The following BTC variants were observed in gnomAD, a reference collection of about 807,000 sequenced individuals.
BTC encodes probetacellulin.
In BTC, 13 loss-of-function variants were observed where a neutral mutation model predicts 18.1. The observed-to-expected ratio is 0.72, with a 90% CI of 0.47 to 1.14. The LOEUF is 1.14. BTC is among the 50% of genes most tolerant of loss of function. The pLI, the probability that BTC is intolerant of heterozygous loss-of-function variation, is 0.00. For synonymous variants in BTC, 83 were observed against 79.4 expected, an observed-to-expected ratio of 1.05 and a Z score of -0.24; for missense variants, 247 against 224.2, an observed-to-expected ratio of 1.10 and a Z score of -0.65.
At chr4:74,766,277 TTC>T in intron 2 of BTC, among the ~76,000 whole-genome samples, 1 of 152,166 alleles carries the variant, frequency 6.6e-6, no homozygotes, top group Middle Eastern at 3.4e-3. Flanking sequence ...TATAAAAAAA[TTC>T]TTTCTTCAAT....
chr4:74,788,283 A>C (rs1725533591), intron 1 of BTC, among the ~76,000 whole-genome samples: 1 of 152,224 alleles, frequency 6.6e-6, no homozygotes, highest in Non-Finnish European at 1.5e-5. Flanking sequence ...CTACACAAAA[A>C]AAATGGTAGC....
At chr4:74,752,528 C>T (rs930374903) in intron 3 of BTC, among the ~76,000 whole-genome samples, 2 of 151,968 alleles carry the variant, frequency 1.3e-5, no homozygotes, top group East Asian at 1.9e-4. Flanking sequence ...AAACCACGCG[C>T]GCCACCATGC....
At chr4:74,748,734 G>T (rs1361133269) in intron 4 of BTC, among the ~76,000 whole-genome samples, 1 of 152,154 alleles carries the variant, frequency 6.6e-6, no homozygotes, top group Non-Finnish European at 1.5e-5. Context: ...ATTATGTAGT[G>T]TACACGTAGT....
At position 74,794,445 on chromosome 4, in the gene BTC, C is replaced by A; in HGVS notation, c.-120G>T. 1.2e-5 allele frequency: 13 copies of A among 1,129,272 alleles called. No homozygotes were observed. The highest frequency in any genetic ancestry group is 1.6e-5 in the Non-Finnish European group (13 of 826,174). 70.0% of individuals were successfully genotyped at this position (1,129,272 alleles called of 1,614,324 possible). A position where few individuals can be genotyped will look rare whatever the true frequency, so the allele number is the denominator to read the frequency against. ...AACTAATCCCGGAGGCAGAAGGAAACGAAACTACTTCCCAGGCTGGCACCC... is the reference window on the plus strand; with the variant it reads ...AACTAATCCCGGAGGCAGAAGGAAAAGAAACTACTTCCCAGGCTGGCACCC... On this transcript the variant is annotated 5_prime_UTR_variant, in exon 1 of 6. Coordinates refer to ENST00000395743, the MANE Select transcript of BTC (RefSeq NM_001729.4).
chr4:74,778,896 A>T (rs1725246619), intron 1 of BTC, among the ~76,000 whole-genome samples: 1 of 152,192 alleles, frequency 6.6e-6, no homozygotes, highest in South Asian at 2.1e-4. Context: ...TTTGGGCATC[A>T]GGACATCTCC....
chr4:74,748,246 A>T, intron 4 of BTC, 97 bp from the exon 5 acceptor site: 2 of 737,496 alleles, frequency 2.7e-6, no homozygotes, highest in Non-Finnish European at 2.2e-6. Flanking sequence ...TTCTTTTTTT[A>T]AAAAAATATT....
intron 1 of BTC, among the ~76,000 whole-genome samples, chr4:74,783,587 C>CTTT (rs71220728): frequency 0.019 from 1,584 of 83,294 alleles, 34 homozygotes; most frequent in African/African-American, 0.058. Flanking sequence ...CTATTCGGCT[C>CTTT]TTTTTTTTTT....
chr4:74,781,163 C>T (rs1301502568), intron 1 of BTC, among the ~76,000 whole-genome samples: 1 of 152,006 alleles, frequency 6.6e-6, no homozygotes, highest in African/African-American at 2.4e-5. Context: ...TCACCACATC[C>T]CAAGGCATCT....
intron 2 of BTC, among the ~76,000 whole-genome samples, chr4:74,769,011 C>G (rs1287440749): frequency 2.0e-5 from 3 of 152,254 alleles, no homozygotes; most frequent in East Asian, 3.9e-4. Context: ...TGACCACCCA[C>G]TACTGTGAGG....
intron 5 of BTC, among the ~76,000 whole-genome samples, chr4:74,747,140 G>A (rs2109873843): frequency 6.6e-6 from 1 of 152,306 alleles, no homozygotes; most frequent in South Asian, 2.1e-4. Context: ...GCCAGTTTGA[G>A]TTGGATTTTA....
intron 1 of BTC, among the ~76,000 whole-genome samples, chr4:74,777,790 T>C (rs1725215848): frequency 1.3e-5 from 2 of 149,724 alleles, no homozygotes; most frequent in East Asian, 1.9e-4. Context: ...AATACAAATA[T>C]AGCTGACAAA....
intron 3 of BTC, among the ~76,000 whole-genome samples, chr4:74,753,959 G>T (rs113147104): frequency 1.3e-5 from 2 of 152,014 alleles, no homozygotes; most frequent in Non-Finnish European, 2.9e-5. Flanking sequence ...TAGTGTTTTC[G>T]CATTTATTAT....
chr4:74,747,927 GT>G, intron 5 of BTC, 112 bp downstream of exon 5: 1 of 521,934 alleles, frequency 1.9e-6, no homozygotes, highest in Admixed American at 3.9e-5. Context: ...ATTTTTAGAT[GT>G]TTTTAAATAT....
intron 1 of BTC, among the ~76,000 whole-genome samples, chr4:74,792,762 A>G (rs995201030): frequency 6.6e-6 from 1 of 151,926 alleles, no homozygotes; most frequent in Non-Finnish European, 1.5e-5. Context: ...TGCAAACTCT[A>G]CCCAAGCCTC....
At chr4:74,760,567 A>T (rs1724725516) in intron 2 of BTC, among the ~76,000 whole-genome samples, 1 of 152,178 alleles carries the variant, frequency 6.6e-6, no homozygotes, top group Non-Finnish European at 1.5e-5. Flanking sequence ...AACTTTGAAA[A>T]TTTATTTAAA....
chr4:74,748,506 A>C (rs1341251447), intron 4 of BTC, among the ~76,000 whole-genome samples: 1 of 152,110 alleles, frequency 6.6e-6, no homozygotes, highest in African/African-American at 2.4e-5. Context: ...ACTGCACTCC[A>C]GCCTGGGCGA....
intron 2 of BTC, among the ~76,000 whole-genome samples, chr4:74,766,457 A>C (rs550023459): frequency 6.6e-6 from 1 of 152,164 alleles, no homozygotes; most frequent in Admixed American, 6.5e-5. Context: ...TACTTTTAAA[A>C]CTGATGTCAC....
intron 1 of BTC, among the ~76,000 whole-genome samples, chr4:74,774,449 G>C (rs1242790386): frequency 2.0e-5 from 3 of 152,190 alleles, no homozygotes; most frequent in Non-Finnish European, 4.4e-5. Flanking sequence ...GGTTGGTAGA[G>C]AGGCAGGAAA....
At chr4:74,790,774 C>G (rs970227430) in intron 1 of BTC, among the ~76,000 whole-genome samples, 1 of 152,178 alleles carries the variant, frequency 6.6e-6, no homozygotes, top group Non-Finnish European at 1.5e-5. Flanking sequence ...ACCAACTGAA[C>G]ATTATTAGTC....
Sources: gnomAD v4.1 joint callset for allele counts (sites outside exome capture counted in the v4.1 genomes callset) on GRCh38, gnomAD v4.1.1 for gene constraint, MANE v1.5 for transcripts, NCBI Gene and HGNC (gene_info 2026-07-23, HGNC 2026-07-21) for gene names.